The following AKAP9 variants were observed in gnomAD, a reference collection of about 807,000 sequenced individuals.
AKAP9 encodes the protein A-kinase anchor protein 9.
A neutral mutation model predicts 488.5 loss-of-function variants in AKAP9; 311 were observed. The observed-to-expected ratio is 0.64, with a 90% CI of 0.58 to 0.70. AKAP9 has a LOEUF of 0.70. AKAP9 is among the 30% of genes least tolerant of loss of function. AKAP9 has a pLI of 0.00. For missense variants in AKAP9, 4,215 were observed against 4,374.5 expected (o/e 0.96, Z 1.03); for synonymous variants, 1,462 against 1,483.5 (o/e 0.99, Z 0.33).
intron 30 of AKAP9, among the ~76,000 whole-genome samples, chr7:92,078,247 C>T (rs1812951432): frequency 6.6e-6 from 1 of 152,122 alleles, no homozygotes; most frequent in Non-Finnish European, 1.5e-5. Flanking sequence ...ATCCACCCAC[C>T]TCAGCCTCCC....
intron 1 of AKAP9, among the ~76,000 whole-genome samples, chr7:91,957,570 G>A (rs902744211): frequency 3.9e-5 from 6 of 152,134 alleles, no homozygotes; most frequent in Non-Finnish European, 8.8e-5. Context: ...AGTTTGAAAT[G>A]TATCATAAAC....
intron 14 of AKAP9, among the ~76,000 whole-genome samples, chr7:92,026,594 C>T (rs1031409803): frequency 3.3e-5 from 5 of 152,200 alleles, no homozygotes; most frequent in African/African-American, 9.7e-5. Context: ...CTCGGCCTCC[C>T]GAGGTGCTGG....
intron 2 of AKAP9, among the ~76,000 whole-genome samples, chr7:91,978,681 CT>C (rs201974831): frequency 6.6e-6 from 1 of 151,870 alleles, no homozygotes; most frequent in African/African-American, 2.4e-5. Flanking sequence ...TTAGTTATTA[CT>C]TTTTTTAGCA....
At chr7:91,978,209 T>G (rs1795940391) in intron 2 of AKAP9, among the ~76,000 whole-genome samples, 1 of 130,356 alleles carries the variant, frequency 7.7e-6, no homozygotes, top group African/African-American at 3.1e-5. Context: ...GCCGCTGCAC[T>G]CCAGCCTGGG....
chr7:92,026,307 G>T (rs967130688), intron 14 of AKAP9, among the ~76,000 whole-genome samples: 9 of 151,872 alleles, frequency 5.9e-5, no homozygotes, highest in African/African-American at 1.9e-4. Flanking sequence ...GAATGAAGTC[G>T]CTCTCCCTCT....
intron 44 of AKAP9, chr7:92,100,114 A>T: frequency 2.4e-6 from 1 of 415,494 alleles, no homozygotes; most frequent in Non-Finnish European, 4.5e-6. Flanking sequence ...TCTAATCCAC[A>T]TCCACCTTAT....
At chr7:92,008,166 A>G (rs1389246318) in intron 8 of AKAP9, among the ~76,000 whole-genome samples, 2 of 150,438 alleles carry the variant, frequency 1.3e-5, no homozygotes, top group South Asian at 4.2e-4. Context: ...TCAGGAGTTC[A>G]AGATTGACCT....
intron 26 of AKAP9, among the ~76,000 whole-genome samples, chr7:92,068,365 CA>C (rs77237109): frequency 0.029 from 1,351 of 46,520 alleles, 3 homozygotes; most frequent in African/African-American, 0.089. Flanking sequence ...GACTCCGTCT[CA>C]AAAAAAAAAA....
chr7:92,048,617 A>G (rs1445540682), intron 21 of AKAP9, among the ~76,000 whole-genome samples: 1 of 152,198 alleles, frequency 6.6e-6, no homozygotes, highest in Non-Finnish European at 1.5e-5. Context: ...TATAGAAGGA[A>G]TGCTAGGGGC....
intron 2 of AKAP9, among the ~76,000 whole-genome samples, chr7:91,978,876 C>T (rs1017807571): frequency 1.3e-5 from 2 of 151,536 alleles, no homozygotes; most frequent in Non-Finnish European, 2.9e-5. Context: ...CCTGCCTCAG[C>T]CTCTCAGGTA....
rs535041274 is a variant in AKAP9 at position 92,037,807 on chromosome 7, C to T, written c.4339-612C>T. Among the ~76,000 whole-genome samples, 22 of 152,268 alleles carry T rather than the reference C, an allele frequency of 1.4e-4. No homozygotes were observed. In the South Asian group the frequency reaches 4.1e-3, roughly 29 times the overall value. On this transcript the variant is annotated intron_variant, in intron 16 of 49. Transcript: ENST00000356239. ...ATATAATTACAAATATTTCATCACA[C>T]TGGTGTTTAAAATAGTAAAAGACTG...
chr7:92,102,399 A>G (rs770713146), intron 45 of AKAP9, among the ~76,000 whole-genome samples, 195 bp from the exon 46 acceptor site: 3 of 151,354 alleles, frequency 2.0e-5, no homozygotes, highest in Non-Finnish European at 2.9e-5. Flanking sequence ...TGAAATTTCA[A>G]CTTTGCTGAT....
chr7:92,063,705 A>G (rs1196646453), intron 24 of AKAP9, among the ~76,000 whole-genome samples: 9 of 152,176 alleles, frequency 5.9e-5, no homozygotes, highest in Admixed American at 5.2e-4. Flanking sequence ...AACATCTGAG[A>G]TTCATACTGA....
At chr7:92,033,040 T>C (rs1804548044) in intron 16 of AKAP9, among the ~76,000 whole-genome samples, 2 of 152,230 alleles carry the variant, frequency 1.3e-5, no homozygotes. Flanking sequence ...AATGAGCTAA[T>C]GCATATAGAA....
At chr7:92,093,487 A>C (rs1325575380) in intron 39 of AKAP9, among the ~76,000 whole-genome samples, 171 bp downstream of exon 39, 3 of 152,216 alleles carry the variant, frequency 2.0e-5, no homozygotes. Context: ...CAAATGATGA[A>C]CTTATGATCG....
rs907392905 is a variant in AKAP9 at position 92,003,040 on chromosome 7, T to G, written c.3123T>G (p.Ser1041Arg). Residue 1041 changes from serine to arginine, a missense_variant, in exon 8 of 50, where the codon AGT becomes AGG. Physicochemically the swap from Ser to Arg is moderately radical, Grantham distance 110. This residue lies in a region of AKAP9 where 2,361 missense variants were observed against 2,430.0 expected (regional missense o/e 0.97). Coordinates refer to ENST00000356239, the MANE Select transcript of AKAP9 (RefSeq NM_005751.5). ...GATCAGTTTCTAAAGTAAATAAAAGTTTTGGTGAAGAATCAAAAATAATGG... is the reference window on the plus strand; with the variant it reads ...GATCAGTTTCTAAAGTAAATAAAAGGTTTGGTGAAGAATCAAAAATAATGG... ...AEGSVSKVNKSFGEESKIMVE... is the reference protein window; with the variant it reads ...AEGSVSKVNKRFGEESKIMVE... 1 of 1,613,220 alleles carries G rather than the reference T, an allele frequency of 6.2e-7. No individual in the cohort carries two copies. Among genetic ancestry groups the G allele is most frequent in the Non-Finnish European group, 8.5e-7 (1 of 1,179,594 alleles).
chr7:92,105,744 T>A lies in AKAP9; in HGVS notation c.11397T>A (p.Asp3799Glu). ...TGSVSININR[D>E]GFGLNQGAEK... ...CTGTTTCCATCAATATTAACAGAGA[T>A]GGCTTTGGACTGAATCAAGGTGAAG... The change falls in exon 47 of 50, where the codon GAT (aspartate) becomes GAA (glutamate). Residue 3799 changes from aspartate to glutamate, a missense_variant. By Grantham distance (45) the Asp-to-Glu change is conservative (BLOSUM62 2). Transcript: ENST00000356239. 6.2e-7 allele frequency: 1 copy of A among 1,614,114 alleles called. No homozygotes were observed. The highest frequency in any genetic ancestry group is 8.5e-7 in the Non-Finnish European group (1 of 1,179,938).
intron 46 of AKAP9, among the ~76,000 whole-genome samples, chr7:92,104,190 A>ATTTT (rs879741854): frequency 9.1e-5 from 13 of 142,646 alleles, no homozygotes; most frequent in Non-Finnish European, 1.5e-4. Flanking sequence ...TTATTTATTT[A>ATTTT]TTTTTTTTTT....
At chr7:92,041,088 G>T in intron 18 of AKAP9, 190 bp downstream of exon 18, 1 of 553,706 alleles carries the variant, frequency 1.8e-6, no homozygotes. Flanking sequence ...AGCAGCTTTA[G>T]ATCTTGTTAG....
Sources: allele counts gnomAD v4.1 joint callset (sites outside exome capture counted in the v4.1 genomes callset), GRCh38; gene constraint gnomAD v4.1.1; regional missense constraint gnomAD v4.1.1; transcripts MANE v1.5; gene names NCBI Gene and HGNC (gene_info 2026-07-23, HGNC 2026-07-21).